SCML2: variants seen among roughly 807,000 people sequenced by gnomAD.
The protein encoded by SCML2 is Scm polycomb group protein like 2.
In SCML2, 6 loss-of-function variants were observed where a neutral mutation model predicts 48.4. The ratio of observed to expected loss-of-function variants is 0.12; its 90% CI spans 0.07 to 0.24. SCML2 has a LOEUF of 0.24. Among genes scored for constraint, SCML2 ranks in the 10% least tolerant of loss-of-function variants. The probability of loss-of-function intolerance (pLI) is 1.00; values close to 1 mark genes in which losing one functional copy is unlikely to be tolerated. For missense variants in SCML2, 377 were observed against 528.2 expected, an observed-to-expected ratio of 0.71 and a Z score of 2.81; for synonymous variants, 181 against 189.5, an observed-to-expected ratio of 0.95 and a Z score of 0.37.
intron 3 of SCML2, among the ~76,000 whole-genome samples, chrX:18,329,643 A>G (rs778799684): frequency 4.4e-5 from 5 of 113,060 alleles, no homozygotes; most frequent in Admixed American, 9.4e-5. Flanking sequence ...GTTCATAATA[A>G]GGAACATGAA....
At chrX:18,343,939 A>AG (rs1195114560) in intron 1 of SCML2, among the ~76,000 whole-genome samples, 77 of 105,198 alleles carry the variant, frequency 7.3e-4, no homozygotes, top group Non-Finnish European at 1.3e-3. Flanking sequence ...AAAAAAAAAA[A>AG]AAAGAAAGAA....
intron 7 of SCML2, among the ~76,000 whole-genome samples, chrX:18,284,515 A>T (rs1233468774): frequency 8.9e-6 from 1 of 112,246 alleles, no homozygotes; most frequent in African/African-American, 3.2e-5. Flanking sequence ...CACATCCAAC[A>T]AAAGTCTAAT....
chrX:18,325,676 G>A (rs767097608), intron 3 of SCML2, among the ~76,000 whole-genome samples: 2 of 111,899 alleles, frequency 1.8e-5, no homozygotes, highest in East Asian at 5.6e-4. Context: ...TCAGAAAGCA[G>A]AGCACATTGC....
At chrX:18,256,609 C>T (rs917063439) in intron 11 of SCML2, among the ~76,000 whole-genome samples, 1 of 112,257 alleles carries the variant, frequency 8.9e-6, no homozygotes, top group African/African-American at 3.2e-5. Context: ...GAATGTTTAA[C>T]TCTGTGAGGT....
At chrX:18,289,832 C>G (rs977180152) in intron 7 of SCML2, among the ~76,000 whole-genome samples, 3 of 111,747 alleles carry the variant, frequency 2.7e-5, no homozygotes, top group Non-Finnish European at 5.6e-5. Context: ...GAGCAAAAAG[C>G]AGCCACAATT....
At chrX:18,288,949 C>T (rs1043833347) in intron 7 of SCML2, among the ~76,000 whole-genome samples, 1 of 111,359 alleles carries the variant, frequency 9.0e-6, no homozygotes, top group Admixed American at 9.6e-5. Context: ...TAAAGTAATT[C>T]GTATATTGTC....
intron 7 of SCML2, among the ~76,000 whole-genome samples, chrX:18,294,679 A>G (rs749618509): frequency 2.6e-4 from 29 of 110,776 alleles, no homozygotes; most frequent in African/African-American, 9.2e-4. Flanking sequence ...AGAGGGCTGC[A>G]GTGGCACAAC....
intron 7 of SCML2, among the ~76,000 whole-genome samples, chrX:18,276,935 G>A (rs1927662644): frequency 9.1e-6 from 1 of 109,882 alleles, no homozygotes; most frequent in African/African-American, 3.3e-5. Context: ...CATAGTGAAT[G>A]TACTAAATGC....
At chrX:18,327,656 GC>G (rs889698655) in intron 3 of SCML2, among the ~76,000 whole-genome samples, 1 of 111,924 alleles carries the variant, frequency 8.9e-6, no homozygotes, top group African/African-American at 3.2e-5. Context: ...TTATACTAGT[GC>G]TCTACAATAT....
At chrX:18,241,876 C>T (rs889145638) in intron 14 of SCML2, among the ~76,000 whole-genome samples, 6 of 111,783 alleles carry the variant, frequency 5.4e-5, no homozygotes, top group Admixed American at 1.9e-4. Flanking sequence ...GAAAAGGGTA[C>T]CTCAGATAAT....
chrX:18,330,948 C>T (rs181960473), intron 2 of SCML2, among the ~76,000 whole-genome samples: 254 of 110,827 alleles, frequency 2.3e-3, no homozygotes, highest in African/African-American at 8.0e-3. Flanking sequence ...CATCGCAACA[C>T]TCTCAAGCAT....
chrX:18,315,716 CCA>C (rs1429793082), intron 6 of SCML2, among the ~76,000 whole-genome samples: 1 of 111,761 alleles, frequency 8.9e-6, no homozygotes, highest in African/African-American at 3.3e-5. Flanking sequence ...ACCCCAGATA[CCA>C]CTCTTGTTAT....
At chrX:18,257,118 G>A in intron 10 of SCML2, 88 bp from the exon 11 acceptor site, 1 of 551,431 alleles carries the variant, frequency 1.8e-6, no homozygotes, top group Non-Finnish European at 2.7e-6. Context: ...CCTTAGGAAA[G>A]GTATTATAAG....
intron 7 of SCML2, among the ~76,000 whole-genome samples, chrX:18,270,271 G>A (rs1927407088): frequency 9.0e-6 from 1 of 110,724 alleles, no homozygotes; most frequent in South Asian, 3.8e-4. Context: ...CAGGCAATCC[G>A]CCCACCTGGC....
Position 18,246,848 on chromosome X carries a change from G to C in SCML2, c.1571-20C>G. 8.5e-7 allele frequency: 1 copy of C among 1,176,205 alleles called. No individual in the cohort carries two copies. The highest frequency in any genetic ancestry group is 1.1e-6 in the Non-Finnish European group (1 of 878,420). The stretch of plus-strand genomic sequence containing the variant: ...GTTCTCCTACAGGGAAAAAGACAAA[G>C]GAGGCTATCTTCAATAGACTTACAA... On this transcript the variant is annotated intron_variant, in intron 12 of 14. Transcript: ENST00000251900.
At chrX:18,251,367 T>A (rs1926658186) in intron 11 of SCML2, among the ~76,000 whole-genome samples, 1 of 66,845 alleles carries the variant, frequency 1.5e-5, no homozygotes, top group Non-Finnish European at 3.0e-5. Flanking sequence ...CCCCAAAGAA[T>A]GGGATAAAAT....
chrX:18,351,197 G>A (rs1013240082), intron 1 of SCML2, among the ~76,000 whole-genome samples: 2 of 109,070 alleles, frequency 1.8e-5, no homozygotes, highest in Non-Finnish European at 3.8e-5. Context: ...TTGAACGCAG[G>A]AAGCAGAAGC....
intron 7 of SCML2, among the ~76,000 whole-genome samples, chrX:18,279,404 AG>A (rs1321949213): frequency 8.9e-6 from 1 of 112,717 alleles, no homozygotes; most frequent in Non-Finnish European, 1.9e-5. Context: ...CCACAGTTAA[AG>A]GAACACCAAC....
At chrX:18,312,637 G>T (rs778619057) in intron 6 of SCML2, among the ~76,000 whole-genome samples, 5 of 110,195 alleles carry the variant, frequency 4.5e-5, no homozygotes, top group Non-Finnish European at 9.5e-5. Flanking sequence ...CAGTCAATAG[G>T]ATTTCCTTAT....
Sources: gnomAD v4.1 joint callset for allele counts (sites outside exome capture counted in the v4.1 genomes callset) on GRCh38, gnomAD v4.1.1 for gene constraint, MANE v1.5 for transcripts, NCBI Gene and HGNC (gene_info 2026-07-23, HGNC 2026-07-21) for gene names.